DOCK1: variants seen among roughly 807,000 people sequenced by gnomAD.
DOCK1 encodes the protein dedicator of cytokinesis 1.
In DOCK1, 138 loss-of-function variants were observed where a neutral mutation model predicts 262.7. That is an observed-to-expected ratio of 0.53 (90% CI 0.46 to 0.61). The LOEUF (loss-of-function observed/expected upper bound fraction) is 0.61. Among genes scored for constraint, DOCK1 ranks in the 20% least tolerant of loss-of-function variants. The pLI is 0.00. For synonymous variants in DOCK1, 866 were observed against 867.4 expected, an observed-to-expected ratio of 1.00 and a Z score of 0.03; for missense variants, 1,908 against 2,370.7, an observed-to-expected ratio of 0.80 and a Z score of 4.05.
intron 22 of DOCK1, among the ~76,000 whole-genome samples, 156 bp downstream of exon 22, chr10:127,052,971 G>A (rs2044844758): frequency 6.6e-6 from 1 of 151,850 alleles, no homozygotes; most frequent in Non-Finnish European, 1.5e-5. Flanking sequence ...GTTGATCCTG[G>A]GGTGAGCTGC....
intron 23 of DOCK1, among the ~76,000 whole-genome samples, chr10:127,093,177 G>A (rs1216062666): frequency 4.8e-5 from 6 of 124,348 alleles, no homozygotes; most frequent in African/African-American, 1.9e-4. Context: ...GTGCAGCTTT[G>A]CATCTGAATC....
chr10:127,373,972 T>A (rs1487430891), intron 34 of DOCK1, 86 bp from the exon 35 acceptor site: 1 of 1,530,374 alleles, frequency 6.5e-7, no homozygotes, highest in East Asian at 2.4e-5. Flanking sequence ...TAAAATGTGT[T>A]AATAATGGAA....
At chr10:126,971,249 C>T (rs1021137199) in intron 2 of DOCK1, among the ~76,000 whole-genome samples, 3 of 151,868 alleles carry the variant, frequency 2.0e-5, no homozygotes, top group African/African-American at 4.8e-5. Flanking sequence ...GACTGCATTT[C>T]ACCCTGTTGG....
intron 1 of DOCK1, among the ~76,000 whole-genome samples, chr10:126,914,589 G>A (rs1219609993): frequency 6.6e-6 from 1 of 151,920 alleles, no homozygotes; most frequent in East Asian, 1.9e-4. Context: ...ATTGGGAGAG[G>A]GTCTTGTTAT....
At chr10:127,138,661 C>T (rs2050923171) in intron 27 of DOCK1, among the ~76,000 whole-genome samples, 3 of 152,108 alleles carry the variant, frequency 2.0e-5, no homozygotes, top group South Asian at 4.1e-4. Flanking sequence ...TTGGGAGAAG[C>T]GTGGGGAGTG....
chr10:127,350,566 A>G (rs537959828), intron 31 of DOCK1, among the ~76,000 whole-genome samples: 2 of 152,274 alleles, frequency 1.3e-5, no homozygotes, highest in South Asian at 4.1e-4. Flanking sequence ...TGTTTTCCCT[A>G]TAAAGCCATG....
At chr10:127,030,472 G>A (rs1238885614) in intron 16 of DOCK1, among the ~76,000 whole-genome samples, 2 of 152,200 alleles carry the variant, frequency 1.3e-5, no homozygotes, top group Admixed American at 6.5e-5. Context: ...TCTTCCTGCA[G>A]CATTGACATC....
At chr10:126,965,885 C>T (rs2037636531) in intron 1 of DOCK1, among the ~76,000 whole-genome samples, 1 of 152,068 alleles carries the variant, frequency 6.6e-6, no homozygotes, top group Non-Finnish European at 1.5e-5. Flanking sequence ...CAGTATCTTC[C>T]TTCCAGCCAT....
intron 27 of DOCK1, among the ~76,000 whole-genome samples, chr10:127,169,070 T>C (rs764689903): frequency 6.6e-6 from 1 of 152,184 alleles, no homozygotes; most frequent in Non-Finnish European, 1.5e-5. Context: ...TTAACGCAAG[T>C]CACATCACGC....
At chr10:127,240,124 T>A (rs1162674926) in intron 27 of DOCK1, among the ~76,000 whole-genome samples, 1 of 152,100 alleles carries the variant, frequency 6.6e-6, no homozygotes, top group African/African-American at 2.4e-5. Context: ...TTATAGTGCC[T>A]GGAATGGTAT....
At chr10:127,182,988 T>A (rs952124997) in intron 27 of DOCK1, among the ~76,000 whole-genome samples, 1 of 151,072 alleles carries the variant, frequency 6.6e-6, no homozygotes, top group Non-Finnish European at 1.5e-5. Flanking sequence ...TTAGACTTAG[T>A]GGGAATCTCA....
At chr10:127,165,432 G>C (rs897226531) in intron 27 of DOCK1, among the ~76,000 whole-genome samples, 2 of 152,164 alleles carry the variant, frequency 1.3e-5, no homozygotes, top group African/African-American at 4.8e-5. Flanking sequence ...GACTTTGCTA[G>C]GGGGATAACC....
chr10:127,092,473 G>T (rs955487990), intron 23 of DOCK1, among the ~76,000 whole-genome samples: 1 of 152,224 alleles, frequency 6.6e-6, no homozygotes, highest in Admixed American at 6.5e-5. Context: ...GGCGAGAAGA[G>T]GACAGACACT....
intron 1 of DOCK1, among the ~76,000 whole-genome samples, chr10:126,957,465 G>A (rs954130825): frequency 9.3e-4 from 141 of 152,282 alleles, no homozygotes; most frequent in African/African-American, 3.2e-3. Context: ...GTTCAATCCA[G>A]CCTTATTTAT....
At chr10:126,947,318 GTGGTGGT>G (rs2035515520) in intron 1 of DOCK1, among the ~76,000 whole-genome samples, 19 of 141,154 alleles carry the variant, frequency 1.3e-4, no homozygotes, top group African/African-American at 4.0e-4. Context: ...GGTGGTGATG[GTGGTGGT>G]TGGTAGTATT....
intron 29 of DOCK1, among the ~76,000 whole-genome samples, chr10:127,282,248 TTC>T (rs146601755): frequency 0.023 from 3,473 of 147,944 alleles, 103 homozygotes; most frequent in African/African-American, 0.078. Context: ...TCTGTCTCTT[TTC>T]TCTCTCTCTC....
At chr10:127,138,615 T>C (rs1256364582) in intron 27 of DOCK1, among the ~76,000 whole-genome samples, 1 of 152,128 alleles carries the variant, frequency 6.6e-6, no homozygotes, top group East Asian at 1.9e-4. Context: ...GTCAACACCA[T>C]TGAACGGTAC....
At chr10:126,932,736 C>T (rs1452597444) in intron 1 of DOCK1, among the ~76,000 whole-genome samples, 2 of 152,118 alleles carry the variant, frequency 1.3e-5, no homozygotes, top group African/African-American at 4.8e-5. Flanking sequence ...GGTGGGCGCA[C>T]TGGGCCACTG....
intron 27 of DOCK1, among the ~76,000 whole-genome samples, chr10:127,178,092 G>C (rs2055351382): frequency 6.6e-6 from 1 of 152,110 alleles, no homozygotes; most frequent in African/African-American, 2.4e-5. Context: ...CCATAAGGGG[G>C]AAGAAGAGAC....
Sources: gnomAD v4.1 joint callset for allele counts (sites outside exome capture counted in the v4.1 genomes callset) on GRCh38, gnomAD v4.1.1 for gene constraint, MANE v1.5 for transcripts, NCBI Gene and HGNC (gene_info 2026-07-23, HGNC 2026-07-21) for gene names.